Variants in TRDN observed in about 807,000 individuals in gnomAD.
TRDN encodes triadin in skeletal muscle.
Under a neutral mutation model 149.7 loss-of-function variants are expected in TRDN, and 161 were observed. That is an observed-to-expected ratio of 1.08 (90% confidence interval 0.95 to 1.23). The LOEUF is 1.23. Among genes scored for constraint, TRDN ranks in the 50% most tolerant of loss-of-function variants. TRDN has a pLI of 0.00. For synonymous variants in TRDN, 294 were observed against 250.5 expected (o/e 1.17, Z -1.64); for missense variants, 896 against 823.5 (o/e 1.09, Z -1.08).
intron 19 of TRDN, among the ~76,000 whole-genome samples, chr6:123,368,751 AT>A (rs1250330912): frequency 6.6e-6 from 1 of 151,908 alleles, no homozygotes. Context: ...CTTTGGCACC[AT>A]TTTTTTCTCT....
At chr6:123,360,317 A>G (rs1292355545) in intron 20 of TRDN, among the ~76,000 whole-genome samples, 1 of 152,200 alleles carries the variant, frequency 6.6e-6, no homozygotes, top group African/African-American at 2.4e-5. Context: ...ATGGTACAGA[A>G]TGAGAAGTTC....
intron 9 of TRDN, chr6:123,469,558 A>T (rs924993512): frequency 2.6e-5 from 4 of 152,234 alleles, no homozygotes; most frequent in Admixed American, 6.5e-5. Flanking sequence ...TTTTTACTTC[A>T]AACAGACATC....
intron 21 of TRDN, among the ~76,000 whole-genome samples, chr6:123,346,875 C>T (rs2114276158): frequency 6.6e-6 from 1 of 151,944 alleles, no homozygotes. Context: ...GAAAGACTGG[C>T]AAACTCGACC....
At chr6:123,452,007 T>C (rs1775806780) in intron 10 of TRDN, among the ~76,000 whole-genome samples, 1 of 152,158 alleles carries the variant, frequency 6.6e-6, no homozygotes. Flanking sequence ...CATATGATCA[T>C]CTCAATTGAT....
Position 123,493,025 on chromosome 6 carries a change from A to G in TRDN, c.853+4168T>C, listed in dbSNP as rs935863181. 5.5e-4 allele frequency among the ~76,000 whole-genome samples: 83 copies of G among 152,098 alleles called. 1 individual carries two copies. The highest frequency in any genetic ancestry group is 2.2e-4 in the Non-Finnish European group (15 of 67,998). Reference sequence around the variant, plus strand: ...TATAACGCTGACCATCGGCACAACCAAAGATCTCAATATGAAGATGTTAGT... The same window carrying G: ...TATAACGCTGACCATCGGCACAACCGAAGATCTCAATATGAAGATGTTAGT... On this transcript the variant is annotated intron_variant, in intron 9 of 40. Coordinates refer to ENST00000334268, the MANE Select transcript of TRDN (RefSeq NM_006073.4).
At position 123,574,451 on chromosome 6, in the gene TRDN, C is replaced by A. The variant is rs117879855; in HGVS notation, c.23-3319G>T. 7.3e-3 allele frequency among the ~76,000 whole-genome samples: 1,116 copies of A among 151,966 alleles called. 13 individuals carry two copies. Among genetic ancestry groups the A allele is most frequent in the South Asian group, 0.025 (121 of 4,820 alleles). ...ATTCACATCACTCCTAATGGTAGTT[C>A]TGAAAATGGATGAATGATAGGAGTG... is the stretch of plus-strand genomic sequence containing the variant. On this transcript the variant is annotated intron_variant, in intron 1 of 40. Coordinates refer to ENST00000334268, the MANE Select transcript of TRDN (RefSeq NM_006073.4).
chr6:123,456,686 C>G, intron 10 of TRDN: 1 of 388,986 alleles, frequency 2.6e-6, no homozygotes, highest in Non-Finnish European at 5.1e-6. Context: ...CCAGGCTGGT[C>G]TCTAACTCCT....
At chr6:123,522,171 C>A (rs1779714421) in intron 5 of TRDN, among the ~76,000 whole-genome samples, 1 of 152,142 alleles carries the variant, frequency 6.6e-6, no homozygotes, top group Non-Finnish European at 1.5e-5. Context: ...TTTCACCCAA[C>A]CACCTGACAA....
chr6:123,599,406 A>C (rs1784180112), intron 1 of TRDN, among the ~76,000 whole-genome samples: 1 of 152,122 alleles, frequency 6.6e-6, no homozygotes, highest in South Asian at 2.1e-4. Context: ...CTACCATTGC[A>C]ATAAAGCCAT....
At chr6:123,492,623 C>T (rs1439029974) in intron 9 of TRDN, among the ~76,000 whole-genome samples, 1 of 151,900 alleles carries the variant, frequency 6.6e-6, no homozygotes, top group Non-Finnish European at 1.5e-5. Context: ...ATAGCTGTCA[C>T]TTAAGAAAAA....
intron 1 of TRDN, among the ~76,000 whole-genome samples, chr6:123,578,867 C>G (rs1425408669): frequency 6.6e-6 from 1 of 152,084 alleles, no homozygotes; most frequent in African/African-American, 2.4e-5. Context: ...TCTTTTACCT[C>G]CCTGGTTACA....
intron 1 of TRDN, among the ~76,000 whole-genome samples, chr6:123,630,280 C>A (rs907794541): frequency 1.3e-5 from 2 of 152,030 alleles, no homozygotes; most frequent in Non-Finnish European, 2.9e-5. Flanking sequence ...TTAATACTAT[C>A]TTTAAGCTCC....
At chr6:123,317,259 T>A (rs757257599) in intron 23 of TRDN, among the ~76,000 whole-genome samples, 6 of 151,858 alleles carry the variant, frequency 4.0e-5, no homozygotes, top group Non-Finnish European at 8.8e-5. Flanking sequence ...GTTCTTGGTA[T>A]AGAGTCTTCT....
chr6:123,351,874 G>A (rs1219919163), intron 21 of TRDN: 1 of 984,778 alleles, frequency 1.0e-6, no homozygotes, highest in East Asian at 1.1e-4. Context: ...TGAGCTCTAA[G>A]AGAAGCCACA....
intron 1 of TRDN, among the ~76,000 whole-genome samples, chr6:123,608,945 G>A (rs1357114304): frequency 6.6e-6 from 1 of 151,958 alleles, no homozygotes; most frequent in Non-Finnish European, 1.5e-5. Flanking sequence ...AGCCGAGGCA[G>A]GCAGATCACT....
intron 39 of TRDN, among the ~76,000 whole-genome samples, chr6:123,223,343 A>T (rs1305996077): frequency 6.6e-6 from 1 of 151,732 alleles, no homozygotes; most frequent in African/African-American, 2.4e-5. Flanking sequence ...GGATGGCAGG[A>T]TTAATACCTG....
At chr6:123,592,340 T>G (rs2114622826) in intron 1 of TRDN, among the ~76,000 whole-genome samples, 1 of 152,268 alleles carries the variant, frequency 6.6e-6, no homozygotes, top group South Asian at 2.1e-4. Flanking sequence ...CAAGATAAAA[T>G]TACATCCTCA....
chr6:123,219,508 T>C (rs1268472037), intron 40 of TRDN, among the ~76,000 whole-genome samples: 1 of 151,762 alleles, frequency 6.6e-6, no homozygotes, highest in Non-Finnish European at 1.5e-5. Flanking sequence ...AGAAAAATCA[T>C]AGTTAAAGCT....
intron 38 of TRDN, among the ~76,000 whole-genome samples, chr6:123,226,514 A>T (rs990569776): frequency 1.3e-5 from 2 of 152,000 alleles, no homozygotes; most frequent in South Asian, 2.1e-4. Context: ...GTGTCTTCAG[A>T]TTCTATATTC....
Sources: allele counts gnomAD v4.1 joint callset (sites outside exome capture counted in the v4.1 genomes callset), GRCh38; gene constraint gnomAD v4.1.1; transcripts MANE v1.5; gene names NCBI Gene and HGNC (gene_info 2026-07-23, HGNC 2026-07-21).